The following ADCY3 variants were observed in gnomAD, a reference collection of about 807,000 sequenced individuals.
ADCY3 encodes the protein adenylate cyclase 3.
Under a neutral mutation model 119.4 loss-of-function variants are expected in ADCY3, and 70 were observed. That is an observed-to-expected ratio of 0.59 (90% CI 0.48 to 0.72). The LOEUF is 0.72. ADCY3 is among the 30% of genes least tolerant of loss of function. ADCY3 has a pLI of 0.00. For missense variants in ADCY3, 1,238 were observed against 1,541.6 expected (o/e 0.80, Z 3.30); for synonymous variants, 672 against 621.4 (o/e 1.08, Z -1.21).
At chr2:24,912,814 A>C (rs766678246) in intron 2 of ADCY3, among the ~76,000 whole-genome samples, 1 of 152,222 alleles carries the variant, frequency 6.6e-6, no homozygotes, top group Non-Finnish European at 1.5e-5. Context: ...TTGCATATGC[A>C]TGATGATGAC....
In ADCY3 at chr2:24,842,158, A is replaced by G. The variant is rs1033951108; in HGVS notation, c.956+96T>C. On this transcript the variant is annotated intron_variant, in intron 4 of 21. Coordinates refer to ENST00000679454, the MANE Select transcript of ADCY3 (RefSeq NM_004036.5). The surrounding 1 kb of genome is among the most constrained non-coding windows in gnomAD (Gnocchi z 4.9). ...GAGGCCTTGCTTCTAGTCCCTGGAA[A>G]ACCTCTTGAAGCCCACAGCACCTAG... 2 of 1,560,320 alleles carry G rather than the reference A, an allele frequency of 1.3e-6. No individual in the cohort carries two copies. The highest frequency in any genetic ancestry group is 4.5e-5 in the East Asian group (2 of 44,354).
At chr2:24,905,992 G>A (rs879552312) in intron 2 of ADCY3, among the ~76,000 whole-genome samples, 4 of 152,244 alleles carry the variant, frequency 2.6e-5, no homozygotes, top group Non-Finnish European at 2.9e-5. Context: ...TCACTACGCC[G>A]TAATTGTGAA....
intron 16 of ADCY3, 48 bp downstream of exon 16, chr2:24,825,997 C>A: frequency 1.9e-6 from 3 of 1,580,210 alleles, no homozygotes; most frequent in Non-Finnish European, 2.6e-6. Context: ...TCTCAGGAGG[C>A]CCTGTGGGCT....
intron 20 of ADCY3, chr2:24,821,224 C>G: frequency 2.2e-6 from 1 of 454,942 alleles, no homozygotes; most frequent in Non-Finnish European, 3.9e-6. Context: ...TCAGCAGGCA[C>G]AGCAACCCCT....
At chr2:24,909,018 T>C (rs1410994228) in intron 2 of ADCY3, among the ~76,000 whole-genome samples, 1 of 152,368 alleles carries the variant, frequency 6.6e-6, no homozygotes, top group Admixed American at 6.5e-5. Flanking sequence ...TAAATGCCGA[T>C]GATTCTCAAA....
chr2:24,877,972 T>C (rs765693479), intron 2 of ADCY3: 3 of 471,238 alleles, frequency 6.4e-6, no homozygotes, highest in East Asian at 6.9e-5. Flanking sequence ...AAGTCACCTC[T>C]TCTTGCCCCG....
chr2:24,852,078 T>A (rs1379616145), intron 3 of ADCY3, among the ~76,000 whole-genome samples: 1 of 152,106 alleles, frequency 6.6e-6, no homozygotes, highest in Non-Finnish European at 1.5e-5. Context: ...TGTAACATAG[T>A]AAGGCCCTGA....
At chr2:24,915,606 T>A (rs1359169161) in intron 2 of ADCY3, among the ~76,000 whole-genome samples, 1 of 152,170 alleles carries the variant, frequency 6.6e-6, no homozygotes. Context: ...AGTGGTGCGA[T>A]CTCGGCTCAC....
intron 3 of ADCY3, among the ~76,000 whole-genome samples, chr2:24,864,469 G>A (rs898547074): frequency 9.9e-5 from 15 of 151,738 alleles, no homozygotes; most frequent in Admixed American, 6.6e-4. Context: ...TAGCAAAGCC[G>A]CAGAAAACAC....
intron 2 of ADCY3, among the ~76,000 whole-genome samples, chr2:24,887,409 T>C (rs1677158312): frequency 6.6e-6 from 1 of 152,140 alleles, no homozygotes; most frequent in African/African-American, 2.4e-5. Context: ...ACCTGCGAGC[T>C]CCACGGCTCC....
In ADCY3 at chr2:24,886,195, C is replaced by T. The variant is rs572418989; in HGVS notation, c.676-13476G>A. ...TCCCAGCACTCAGTAGCACCCAGCA[C>T]GCTGTCTGCTGGGTGAAGGAATGAA... On this transcript the variant is annotated intron_variant, in intron 2 of 21. Coordinates refer to ENST00000679454, the MANE Select transcript of ADCY3 (RefSeq NM_004036.5). Among the ~76,000 whole-genome samples the T allele has an allele frequency of 5.9e-5, 9 of 152,330 alleles. No individual in the cohort carries two copies. The South Asian group carries it at 8.3e-4, about 14-fold the overall frequency.
chr2:24,828,268 T>A (rs1272652707), intron 13 of ADCY3, 107 bp from the exon 14 acceptor site: 25 of 1,369,514 alleles, frequency 1.8e-5, no homozygotes, highest in Non-Finnish European at 2.5e-5. Context: ...CTCCCGCGGC[T>A]CCCCCAGAAA....
In ADCY3 at chr2:24,838,538, A is replaced by G. The variant is rs186365364; in HGVS notation, c.1440T>C (p.Asp480=). The change falls in exon 8 of 22, where the codon GAT becomes GAC. Residue 480 remains aspartate, a synonymous_variant. Coordinates refer to ENST00000679454, the MANE Select transcript of ADCY3 (RefSeq NM_004036.5). ...VEPGDGGSRC[D]YLEEKGIETY... is the part of the protein sequence containing the mutation. ...TTTCAATACCCTTCTCTTCTAGGTA[A>G]TCACAGCGGCTGCCCCCATCGCCTG... 1.7e-5 allele frequency: 28 copies of G among 1,614,066 alleles called. No individual in the cohort carries two copies. In the African/African-American group the frequency reaches 3.2e-4, roughly 18 times the overall value.
At chr2:24,895,939 C>T (rs1678218305) in intron 2 of ADCY3, among the ~76,000 whole-genome samples, 1 of 152,142 alleles carries the variant, frequency 6.6e-6, no homozygotes, top group Admixed American at 6.5e-5. Context: ...ACTATTAATC[C>T]TATCTACCTA....
rs375890131 is a variant in ADCY3, at chr2:24,824,306, G to C, written c.2736+72C>G. 1.7e-5 allele frequency: 26 copies of C among 1,571,166 alleles called. 1 individual carries two copies. The African/African-American group carries it at 2.0e-4, about 12-fold the overall frequency. ...TCCCTGAGAAGGCCTGGGCCCAGCGGGGGCTGCCTGAAAGAAAGAACAGAT... is the reference window on the plus strand; with the variant it reads ...TCCCTGAGAAGGCCTGGGCCCAGCGCGGGCTGCCTGAAAGAAAGAACAGAT... On this transcript the variant is annotated intron_variant, in intron 17 of 21. Transcript: ENST00000679454.
chr2:24,825,880 A>G, intron 16 of ADCY3, 165 bp downstream of exon 16: 1 of 648,398 alleles, frequency 1.5e-6, no homozygotes, highest in Non-Finnish European at 2.8e-6. Context: ...TGACTGAGGA[A>G]GGAGCCTGAA....
chr2:24,863,720 C>T (rs758466941), intron 3 of ADCY3, among the ~76,000 whole-genome samples: 1 of 152,134 alleles, frequency 6.6e-6, no homozygotes, highest in Non-Finnish European at 1.5e-5. Flanking sequence ...TATATTCTTG[C>T]CAAATATTAC....
intron 3 of ADCY3, among the ~76,000 whole-genome samples, chr2:24,870,990 G>T (rs1033843664): frequency 6.6e-6 from 1 of 152,156 alleles, no homozygotes; most frequent in African/African-American, 2.4e-5. Flanking sequence ...ACACCAGGGG[G>T]CCTCCACAAG....
At chr2:24,835,808 C>T (rs566407414) in intron 9 of ADCY3, among the ~76,000 whole-genome samples, 37 of 152,110 alleles carry the variant, frequency 2.4e-4, no homozygotes, top group South Asian at 1.2e-3. Flanking sequence ...TGGTGGTACA[C>T]GCCTGTAATC....
Sources: gnomAD v4.1 joint callset for allele counts (sites outside exome capture counted in the v4.1 genomes callset) on GRCh38, gnomAD v4.1.1 for gene constraint, Gnocchi (gnomAD v3.1) non-coding constraint, MANE v1.5 for transcripts, NCBI Gene and HGNC (gene_info 2026-07-23, HGNC 2026-07-21) for gene names.